Variants in SLC35F4 observed in about 807,000 individuals in gnomAD.
SLC35F4 encodes the protein solute carrier family 35 member F4.
Under a neutral mutation model 44.2 loss-of-function variants are expected in SLC35F4, and 24 were observed. The ratio of observed to expected loss-of-function variants is 0.54; its 90% CI spans 0.39 to 0.76. The LOEUF is 0.76. Ranked by LOEUF, SLC35F4 falls within the 30% of genes least tolerant of loss-of-function variation. The pLI is 0.00. For missense variants in SLC35F4, 562 were observed against 586.1 expected, an observed-to-expected ratio of 0.96 and a Z score of 0.42; for synonymous variants, 238 against 223.6, an observed-to-expected ratio of 1.06 and a Z score of -0.57.
At chr14:57,646,443 T>C (rs958279773) in intron 1 of SLC35F4, among the ~76,000 whole-genome samples, 12 of 152,228 alleles carry the variant, frequency 7.9e-5, no homozygotes, top group Admixed American at 3.9e-4. Context: ...GACGGTAGTT[T>C]GTATTTCTGT....
chr14:57,722,019 T>C (rs2076097386), intron 1 of SLC35F4, among the ~76,000 whole-genome samples: 1 of 151,934 alleles, frequency 6.6e-6, no homozygotes, highest in Non-Finnish European at 1.5e-5. Flanking sequence ...AGAGGTGAGG[T>C]TGAGAGTGTG....
At chr14:57,839,256 T>A (rs1372714119) in intron 1 of SLC35F4, among the ~76,000 whole-genome samples, 1 of 152,198 alleles carries the variant, frequency 6.6e-6, no homozygotes, top group African/African-American at 2.4e-5. Flanking sequence ...ATTAGAAAAC[T>A]CCACTCCTTC....
intron 1 of SLC35F4, among the ~76,000 whole-genome samples, chr14:57,901,891 A>G (rs533699767): frequency 1.3e-5 from 2 of 152,264 alleles, no homozygotes; most frequent in Admixed American, 6.5e-5. Flanking sequence ...GATAAGATGC[A>G]AAGCCAGAAT....
intron 1 of SLC35F4, among the ~76,000 whole-genome samples, chr14:57,836,276 T>G (rs892179729): frequency 9.9e-5 from 15 of 152,196 alleles, no homozygotes; most frequent in Non-Finnish European, 1.8e-4. Flanking sequence ...CATTGAAATT[T>G]TATTTTTTAT....
intron 1 of SLC35F4, among the ~76,000 whole-genome samples, chr14:57,952,414 A>G (rs1455721608): frequency 6.6e-6 from 1 of 152,150 alleles, no homozygotes; most frequent in Non-Finnish European, 1.5e-5. Context: ...CCAGCAAGGA[A>G]ACAAAACTGG....
At chr14:57,618,012 G>A (rs1223159910) in intron 1 of SLC35F4, among the ~76,000 whole-genome samples, 1 of 152,120 alleles carries the variant, frequency 6.6e-6, no homozygotes, top group Non-Finnish European at 1.5e-5. Flanking sequence ...TAATGATGGT[G>A]TCTTATGATG....
intron 1 of SLC35F4, among the ~76,000 whole-genome samples, chr14:57,597,874 G>A (rs2070587249): frequency 6.6e-6 from 1 of 152,282 alleles, no homozygotes; most frequent in Non-Finnish European, 1.5e-5. Flanking sequence ...TTGAAAAGGA[G>A]CTGTCTAATT....
chr14:57,810,971 C>A (rs1881900908), intron 1 of SLC35F4, among the ~76,000 whole-genome samples: 1 of 152,252 alleles, frequency 6.6e-6, no homozygotes, highest in Non-Finnish European at 1.5e-5. Context: ...AAGCTCTGTC[C>A]CAAATCCCAG....
intron 1 of SLC35F4, among the ~76,000 whole-genome samples, chr14:57,934,691 A>G (rs1265814800): frequency 6.6e-6 from 1 of 152,040 alleles, no homozygotes; most frequent in Non-Finnish European, 1.5e-5. Flanking sequence ...CCCCTAATGA[A>G]GCCAGGTCCT....
chr14:57,904,124 G>T (rs1172606224), intron 1 of SLC35F4, among the ~76,000 whole-genome samples: 1 of 152,182 alleles, frequency 6.6e-6, no homozygotes, highest in Non-Finnish European at 1.5e-5. Context: ...GCATCAATTT[G>T]TCACACTGAT....
intron 4 of SLC35F4, among the ~76,000 whole-genome samples, chr14:57,578,104 C>T (rs192498228): frequency 1.6e-4 from 25 of 151,640 alleles, no homozygotes; most frequent in Admixed American, 1.1e-3. Flanking sequence ...GATGTTGTAA[C>T]TTAAAGTGTC....
chr14:57,755,229 T>A (rs1951116544), intron 1 of SLC35F4, among the ~76,000 whole-genome samples: 1 of 152,040 alleles, frequency 6.6e-6, no homozygotes. Context: ...AGGCCAAGAC[T>A]AGGGAGGCTT....
chr14:57,920,077 A>G (rs1889412813), intron 1 of SLC35F4, among the ~76,000 whole-genome samples: 1 of 152,110 alleles, frequency 6.6e-6, no homozygotes, highest in Admixed American at 6.5e-5. Context: ...CAATATATGC[A>G]CGTTGTTTCC....
At chr14:57,910,615 T>A (rs773864585) in intron 1 of SLC35F4, among the ~76,000 whole-genome samples, 4 of 152,074 alleles carry the variant, frequency 2.6e-5, no homozygotes, top group Non-Finnish European at 5.9e-5. Flanking sequence ...ACTTTTCAGA[T>A]CTCTATTCTG....
chr14:57,735,444 T>G (rs1399300130), intron 1 of SLC35F4, among the ~76,000 whole-genome samples: 1 of 152,078 alleles, frequency 6.6e-6, no homozygotes, highest in Non-Finnish European at 1.5e-5. Context: ...AGCTAGAGAG[T>G]TGGCAGGGCC....
intron 1 of SLC35F4, among the ~76,000 whole-genome samples, chr14:57,936,376 C>T (rs1312093309): frequency 6.6e-6 from 1 of 152,160 alleles, no homozygotes; most frequent in Non-Finnish European, 1.5e-5. Flanking sequence ...AGGGTAGGAG[C>T]CATTCTGTGA....
chr14:57,731,177 G>T (rs1433473231), intron 1 of SLC35F4, among the ~76,000 whole-genome samples: 1 of 152,158 alleles, frequency 6.6e-6, no homozygotes, highest in Non-Finnish European at 1.5e-5. Context: ...CCACAGCAGA[G>T]CCCCGATGCG....
chr14:57,603,552 C>T (rs1164511156), intron 1 of SLC35F4, among the ~76,000 whole-genome samples: 4 of 152,140 alleles, frequency 2.6e-5, no homozygotes, highest in African/African-American at 9.7e-5. Context: ...ATCAGATGCT[C>T]CTATCCAGAC....
intron 3 of SLC35F4, among the ~76,000 whole-genome samples, chr14:57,586,104 A>C (rs2069698651): frequency 6.6e-6 from 1 of 152,214 alleles, no homozygotes; most frequent in Non-Finnish European, 1.5e-5. Flanking sequence ...TAACCAAAAC[A>C]GCATGATACT....
Sources: gnomAD v4.1 joint callset for allele counts (sites outside exome capture counted in the v4.1 genomes callset) on GRCh38, gnomAD v4.1.1 for gene constraint, MANE v1.5 for transcripts, NCBI Gene and HGNC (gene_info 2026-07-23, HGNC 2026-07-21) for gene names.